STAT4: variants seen among roughly 807,000 people sequenced by gnomAD.
STAT4 encodes the protein signal transducer and activator of transcription 4.
Under a neutral mutation model 110.5 loss-of-function variants are expected in STAT4, and 42 were observed. That is an observed-to-expected ratio of 0.38 (90% CI 0.30 to 0.49). The LOEUF (loss-of-function observed/expected upper bound fraction) is 0.49, where lower values mean the gene tolerates loss of function less well. Ranked by LOEUF, STAT4 falls within the 20% of genes least tolerant of loss-of-function variation. The pLI is 0.95. For synonymous variants in STAT4, 284 were observed against 302.2 expected, an observed-to-expected ratio of 0.94 and a Z score of 0.63; for missense variants, 632 against 887.9, an observed-to-expected ratio of 0.71 and a Z score of 3.66.
At chr2:191,070,120 T>C (rs1032922326) in intron 5 of STAT4, among the ~76,000 whole-genome samples, 1 of 152,214 alleles carries the variant, frequency 6.6e-6, no homozygotes, top group Non-Finnish European at 1.5e-5. Context: ...GGGTATTTCA[T>C]ATAACTCTGT....
intron 3 of STAT4, among the ~76,000 whole-genome samples, chr2:191,088,508 A>G (rs1044376579): frequency 4.6e-5 from 7 of 152,210 alleles, no homozygotes; most frequent in Non-Finnish European, 7.4e-5. Context: ...TTCCCCACTT[A>G]TCTATAGATT....
At chr2:191,137,157 A>T (rs929900403) in intron 3 of STAT4, among the ~76,000 whole-genome samples, 1 of 152,124 alleles carries the variant, frequency 6.6e-6, no homozygotes, top group African/African-American at 2.4e-5. Flanking sequence ...AACCTGGCCA[A>T]CGTGGTGAAA....
At chr2:191,096,195 G>C (rs911336505) in intron 3 of STAT4, among the ~76,000 whole-genome samples, 1 of 152,200 alleles carries the variant, frequency 6.6e-6, no homozygotes, top group Non-Finnish European at 1.5e-5. Flanking sequence ...GAGGTACAAA[G>C]AGGAGCTGGT....
Position 191,113,639 on chromosome 2 carries a change from G to A in STAT4, c.273+32974C>T, listed in dbSNP as rs558451493. Reference sequence around the variant, plus strand: ...CCAAATTTGTCTTTTGTCATCATGCGGAAGAAAGATTAAAAAGGTTAAAGA... The same window carrying A: ...CCAAATTTGTCTTTTGTCATCATGCAGAAGAAAGATTAAAAAGGTTAAAGA... On this transcript the variant is annotated intron_variant, in intron 3 of 23. Coordinates refer to ENST00000392320, the MANE Select transcript of STAT4 (RefSeq NM_003151.4). The surrounding 1 kb of genome is among the most constrained non-coding windows in gnomAD (Gnocchi z 4.8). Among the ~76,000 whole-genome samples, 27 of 152,256 alleles carry A rather than the reference G, an allele frequency of 1.8e-4. 1 individual carries two copies. Among genetic ancestry groups the A allele is most frequent in the African/African-American group, 4.8e-4 (20 of 41,546 alleles).
intron 3 of STAT4, among the ~76,000 whole-genome samples, chr2:191,084,946 C>A (rs1697594835): frequency 6.6e-6 from 1 of 151,378 alleles, no homozygotes; most frequent in African/African-American, 2.4e-5. Context: ...ATAGCTTTAG[C>A]ATTAATAATA....
In STAT4 at chr2:191,035,096, G is replaced by A. The variant is rs1696007922; in HGVS notation, c.1571-499C>T. 6.6e-6 allele frequency among the ~76,000 whole-genome samples: 1 copy of A among 152,166 alleles called. No homozygotes were observed. The highest frequency in any genetic ancestry group is 1.5e-5 in the Non-Finnish European group (1 of 68,032). On this transcript the variant is annotated intron_variant, in intron 17 of 23. Coordinates refer to ENST00000392320, the MANE Select transcript of STAT4 (RefSeq NM_003151.4). The surrounding 1 kb of genome is among the most constrained non-coding windows in gnomAD (Gnocchi z 4.7). ...AGAAATCTATTAGATAGTAGCCATT[G>A]GCTGTTTTGATCCAGAGCAGTGAAA...
rs1517351 is a variant in STAT4 at position 191,031,319 on chromosome 2, T to G, written c.2111+131A>C. 227,958 of 1,015,626 alleles carry G rather than the reference T, an allele frequency of 0.22. 28,400 individuals carry two copies. The highest frequency in any genetic ancestry group is 0.43 in the East Asian group (16,466 of 38,596). The allele number at this position is 1,015,626 out of a possible 1,614,324, so 62.9% of individuals were successfully genotyped here. On this transcript the variant is annotated intron_variant, in intron 22 of 23. Coordinates refer to ENST00000392320, the MANE Select transcript of STAT4 (RefSeq NM_003151.4). The surrounding 1 kb of genome is among the most constrained non-coding windows in gnomAD (Gnocchi z 4.8). ...AAGTGTGCCCTGAAGGCTAGCCTTA[T>G]GTATTAAAGGAAATGGGACATTGCA...
At chr2:191,115,075 A>C (rs538680553) in intron 3 of STAT4, among the ~76,000 whole-genome samples, 11 of 152,314 alleles carry the variant, frequency 7.2e-5, no homozygotes, top group South Asian at 4.1e-4. Flanking sequence ...TTTTATAAAC[A>C]GAAAAAAGTA....
intron 5 of STAT4, among the ~76,000 whole-genome samples, chr2:191,071,042 A>G (rs1376045773): frequency 6.6e-6 from 1 of 152,202 alleles, no homozygotes; most frequent in Admixed American, 6.5e-5. Flanking sequence ...TAAACCTTAG[A>G]AAAGAAACAA....
chr2:191,064,473 T>A (rs1054039307), intron 8 of STAT4, among the ~76,000 whole-genome samples: 1 of 152,242 alleles, frequency 6.6e-6, no homozygotes, highest in African/African-American at 2.4e-5. Context: ...AGTTGAGATA[T>A]CTATTTTCAA....
intron 3 of STAT4, among the ~76,000 whole-genome samples, chr2:191,101,032 G>C (rs917796144): frequency 6.6e-6 from 1 of 151,718 alleles, no homozygotes; most frequent in African/African-American, 2.4e-5. Context: ...TTTGATTTCC[G>C]CTCCTGTCAA....
At chr2:191,093,222 G>A (rs1697854849) in intron 3 of STAT4, among the ~76,000 whole-genome samples, 1 of 152,240 alleles carries the variant, frequency 6.6e-6, no homozygotes, top group East Asian at 1.9e-4. Context: ...TTTGAGCTCT[G>A]AGAATGGACA....
rs1196374457 is a variant in STAT4, at chr2:191,135,253, A to G, written c.273+11360T>C. On this transcript the variant is annotated intron_variant, in intron 3 of 23. Coordinates refer to ENST00000392320, the MANE Select transcript of STAT4 (RefSeq NM_003151.4). The surrounding 1 kb of genome is among the most constrained non-coding windows in gnomAD (Gnocchi z 4.8). Reference sequence around the variant, plus strand: ...TGACATCACGAAAATATAAAAGATCATCAGAGACAATTATGAAAAATACAC... The same window carrying G: ...TGACATCACGAAAATATAAAAGATCGTCAGAGACAATTATGAAAAATACAC... Among the ~76,000 whole-genome samples the G allele has an allele frequency of 6.6e-6, 1 of 152,236 alleles. No individual in the cohort carries two copies. The highest frequency in any genetic ancestry group is 1.5e-5 in the Non-Finnish European group (1 of 68,046).
chr2:191,085,612 T>G (rs1370433216), intron 3 of STAT4, among the ~76,000 whole-genome samples: 1 of 152,196 alleles, frequency 6.6e-6, no homozygotes, highest in Non-Finnish European at 1.5e-5. Context: ...GTTCTAAAAC[T>G]TTTGTCATCC....
chr2:191,074,256 G>A (rs963131238), intron 4 of STAT4, among the ~76,000 whole-genome samples: 1 of 152,302 alleles, frequency 6.6e-6, no homozygotes, highest in East Asian at 1.9e-4. Flanking sequence ...CTTAAGTTGG[G>A]TGGGGAGCCA....
chr2:191,074,153 C>G (rs1468978293), intron 4 of STAT4, among the ~76,000 whole-genome samples: 1 of 152,130 alleles, frequency 6.6e-6, no homozygotes, highest in Non-Finnish European at 1.5e-5. Flanking sequence ...TTCCTCCAAG[C>G]AGAACGTCTT....
At chr2:191,132,470 T>C (rs1230234481) in intron 3 of STAT4, among the ~76,000 whole-genome samples, 1 of 151,616 alleles carries the variant, frequency 6.6e-6, no homozygotes, top group African/African-American at 2.4e-5. Context: ...GAAGCAAAAT[T>C]TGAAACCTCA....
Position 191,046,368 on chromosome 2 carries a change from A to G in STAT4, c.1252-5220T>C, listed in dbSNP as rs1696353391. ...GGGTAAAGATAGCACAGCCATCTTG[A>G]GCCATTGCCTGTCCCCTTTGCTTCT... is the stretch of plus-strand genomic sequence containing the variant. On this transcript the variant is annotated intron_variant, in intron 14 of 23. Transcript: ENST00000392320. The surrounding 1 kb of genome is among the most constrained non-coding windows in gnomAD (Gnocchi z 4.6). Among the ~76,000 whole-genome samples, 1 of 152,206 alleles carries G rather than the reference A, an allele frequency of 6.6e-6. No homozygotes were observed. Among genetic ancestry groups the G allele is most frequent in the African/African-American group, 2.4e-5 (1 of 41,450 alleles).
chr2:191,139,207 T>C (rs1485332310), intron 3 of STAT4, among the ~76,000 whole-genome samples: 2 of 150,710 alleles, frequency 1.3e-5, no homozygotes, highest in South Asian at 4.2e-4. Flanking sequence ...AGTGCCCACT[T>C]TCCCCACTTC....
Sources: allele counts gnomAD v4.1 joint callset (sites outside exome capture counted in the v4.1 genomes callset), GRCh38; gene constraint gnomAD v4.1.1; non-coding constraint Gnocchi (gnomAD v3.1); transcripts MANE v1.5; gene names NCBI Gene and HGNC (gene_info 2026-07-23, HGNC 2026-07-21).